The following CAVIN4 variants were observed in gnomAD, a reference collection of about 807,000 sequenced individuals.
CAVIN4 encodes caveolae associated protein 4, also known as caveolae-associated protein 4.
CAVIN4 carries 10 observed loss-of-function variants against 18.6 expected under a neutral mutation model. That is an observed-to-expected ratio of 0.54 (90% CI 0.33 to 0.91). The LOEUF (loss-of-function observed/expected upper bound fraction) is 0.91, where lower values mean the gene tolerates loss of function less well. Ranked by LOEUF, CAVIN4 falls within the 40% of genes least tolerant of loss-of-function variation. CAVIN4 has a pLI of 0.02. For synonymous variants in CAVIN4, 173 were observed against 164.8 expected, an observed-to-expected ratio of 1.05 and a Z score of -0.38; for missense variants, 459 against 440.5, an observed-to-expected ratio of 1.04 and a Z score of -0.38.
In CAVIN4 at chr9:100,578,495, G is replaced by T; in HGVS notation, c.352G>T (p.Glu118Ter). 3.7e-6 allele frequency: 6 copies of T among 1,613,868 alleles called. No homozygotes were observed. Among genetic ancestry groups the T allele is most frequent in the Non-Finnish European group, 5.1e-6 (6 of 1,179,964 alleles). ...GCAACAAATTCATGTTAAAAAAGTTGAAGTCAAGCAAGAGGAAATAATGAA... is the reference window on the plus strand; with the variant it reads ...GCAACAAATTCATGTTAAAAAAGTTTAAGTCAAGCAAGAGGAAATAATGAA... ...EKQQIHVKKV[E>*]VKQEEIMKKN... The change falls in exon 1 of 2, where the codon GAA (glutamate) becomes TAA (stop). Residue 118 changes from glutamate (E) to a stop codon, truncating the protein, a stop_gained. Coordinates refer to ENST00000307584, the MANE Select transcript of CAVIN4 (RefSeq NM_001018116.2). LOFTEE classifies it high-confidence loss of function.
rs564462018 is a variant in CAVIN4, at chr9:100,582,725, C to CT, written c.409-3032dup. 6.6e-5 allele frequency among the ~76,000 whole-genome samples: 10 copies of CT among 152,086 alleles called. No homozygotes were observed. In the East Asian group the frequency reaches 7.7e-4, roughly 12 times the overall value. ...CCTGCCTCACTGGCTGATATCTGTC[C>CT]TTTTTTTTCTTTTCTCATTTCTTCC... is the stretch of plus-strand genomic sequence containing the variant. On this transcript the variant is annotated intron_variant, in intron 1 of 1. Transcript: ENST00000307584.
At chr9:100,585,542 A>G (rs1041738035) in intron 1 of CAVIN4, among the ~76,000 whole-genome samples, 3 of 152,200 alleles carry the variant, frequency 2.0e-5, no homozygotes, top group Admixed American at 6.5e-5. Context: ...TTTACTTACA[A>G]TTGGATCTGA....
intron 1 of CAVIN4, among the ~76,000 whole-genome samples, chr9:100,583,274 T>A (rs1385042186): frequency 6.6e-6 from 1 of 152,154 alleles, no homozygotes; most frequent in African/African-American, 2.4e-5. Context: ...TCAGATCCCA[T>A]CCTTCCCCTC....
At chr9:100,581,568 A>G (rs1839427920) in intron 1 of CAVIN4, among the ~76,000 whole-genome samples, 1 of 152,202 alleles carries the variant, frequency 6.6e-6, no homozygotes, top group African/African-American at 2.4e-5. Flanking sequence ...TTAGCTCATG[A>G]TGTCGCTGTC....
At position 100,586,198 on chromosome 9, in the gene CAVIN4, C is replaced by T; in HGVS notation, c.842C>T (p.Thr281Ile). ...MRSLRKGKDR[T>I]VAEGEECARE... is the part of the protein sequence containing the mutation. ...AGCCTCAGGAAAGGTAAGGACCGAA[C>T]AGTGGCTGAAGGTGAGGAATGTGCC... is the stretch of plus-strand genomic sequence containing the variant. The change falls in exon 2 of 2, where the codon ACA becomes ATA. Residue 281 changes from threonine (T) to isoleucine (I), a missense_variant. By Grantham distance (89) the Thr-to-Ile change is moderately conservative (BLOSUM62 -1). Coordinates refer to ENST00000307584, the MANE Select transcript of CAVIN4 (RefSeq NM_001018116.2). 6.4e-7 allele frequency: 1 copy of T among 1,558,724 alleles called. No individual in the cohort carries two copies. Among genetic ancestry groups the T allele is most frequent in the Non-Finnish European group, 8.7e-7 (1 of 1,155,406 alleles).
At position 100,588,301 on chromosome 9, in the gene CAVIN4, T is replaced by C. The variant is rs73495729; in HGVS notation, c.*1850T>C. Among the ~76,000 whole-genome samples, 4,839 of 152,312 alleles carry C rather than the reference T, an allele frequency of 0.032. 253 individuals carry two copies. Among genetic ancestry groups the C allele is most frequent in the African/African-American group, 0.11 (4,598 of 41,548 alleles). On this transcript the variant is annotated 3_prime_UTR_variant, in exon 2 of 2. Transcript: ENST00000307584. ...GGATAACACTTTCAAATGAATAATT[T>C]TAAAATGTTTTTATGACATTTTGGA...
At position 100,585,947 on chromosome 9, in the gene CAVIN4, T is replaced by C. The variant is rs1386615297; in HGVS notation, c.591T>C (p.Asn197=). The part of the protein sequence containing the change: ...LRKSGKEHID[N]IKKAFSKENM... ...AGTCAGGCAAGGAGCACATTGATAA[T>C]ATCAAGAAGGCATTTTCCAAAGAAA... The change falls in exon 2 of 2, where the codon AAT becomes AAC. Residue 197 remains asparagine (N), a synonymous_variant. Coordinates refer to ENST00000307584, the MANE Select transcript of CAVIN4 (RefSeq NM_001018116.2). 1 of 1,614,074 alleles carries C rather than the reference T, an allele frequency of 6.2e-7. No individual in the cohort carries two copies. The highest frequency in any genetic ancestry group is 8.5e-7 in the Non-Finnish European group (1 of 1,180,022).
rs111418981 is a variant in CAVIN4, at chr9:100,588,110, G to A, written c.*1659G>A. ...TAATAAGTGTACACATATACACACA[G>A]GCATACATAAATCGGCTTTAAAATA... On this transcript the variant is annotated 3_prime_UTR_variant, in exon 2 of 2. Transcript: ENST00000307584. Among the ~76,000 whole-genome samples, 23 of 152,136 alleles carry A rather than the reference G, an allele frequency of 1.5e-4. No individual in the cohort carries two copies. The highest frequency in any genetic ancestry group is 5.3e-4 in the African/African-American group (22 of 41,424).
intron 1 of CAVIN4, among the ~76,000 whole-genome samples, chr9:100,582,108 G>T (rs1839436029): frequency 6.6e-6 from 1 of 152,034 alleles, no homozygotes; most frequent in African/African-American, 2.4e-5. Flanking sequence ...ATTTAATCTG[G>T]ATCTCACGTG....
intron 1 of CAVIN4, among the ~76,000 whole-genome samples, chr9:100,584,530 T>G (rs1839458340): frequency 1.3e-5 from 2 of 152,268 alleles, no homozygotes; most frequent in Non-Finnish European, 2.9e-5. Context: ...TCAAGGAATC[T>G]GGAGAAGACC....
At chr9:100,585,506 G>C (rs111937970) in intron 1 of CAVIN4, among the ~76,000 whole-genome samples, 23 of 152,218 alleles carry the variant, frequency 1.5e-4, no homozygotes, top group African/African-American at 5.3e-4. Context: ...AGGAGAGAAG[G>C]AAAGTGAAGA....
At chr9:100,580,872 T>C (rs1839419294) in intron 1 of CAVIN4, among the ~76,000 whole-genome samples, 1 of 152,228 alleles carries the variant, frequency 6.6e-6, no homozygotes, top group Non-Finnish European at 1.5e-5. Flanking sequence ...GATTCAAAGA[T>C]TCATTAGATG....
intron 1 of CAVIN4, among the ~76,000 whole-genome samples, chr9:100,579,559 A>G (rs1416012624): frequency 6.6e-6 from 1 of 152,246 alleles, no homozygotes; most frequent in Non-Finnish European, 1.5e-5. Context: ...TTTGAAAGGC[A>G]GATTTGGTAG....
rs1408784376 is a variant in CAVIN4, at chr9:100,578,683, G to A, written c.408+132G>A. Reference sequence around the variant, plus strand: ...ATTAATACAATGGAGTTCTGTATTAGCAGCAATCTCAGGATAAAACCATTT... The same window carrying A: ...ATTAATACAATGGAGTTCTGTATTAACAGCAATCTCAGGATAAAACCATTT... On this transcript the variant is annotated intron_variant, in intron 1 of 1. Transcript: ENST00000307584. 1.4e-5 allele frequency: 12 copies of A among 859,600 alleles called. No individual in the cohort carries two copies. In the African/African-American group the frequency reaches 1.9e-4, roughly 13 times the overall value. The allele number at this position is 859,600 out of a possible 1,614,324, so 53.2% of individuals were successfully genotyped here. A position where few individuals can be genotyped will look rare whatever the true frequency, so the allele number is the denominator to read the frequency against.
chr9:100,582,775 C>T (rs546460167), intron 1 of CAVIN4, among the ~76,000 whole-genome samples: 6 of 152,238 alleles, frequency 3.9e-5, no homozygotes, highest in African/African-American at 1.4e-4. Flanking sequence ...AATCCATGCT[C>T]TGTAACACCC....
At chr9:100,578,693 C>A in intron 1 of CAVIN4, 142 bp downstream of exon 1, 1 of 816,342 alleles carries the variant, frequency 1.2e-6, no homozygotes, top group Non-Finnish European at 2.0e-6. Context: ...GCAGCAATCT[C>A]AGGATAAAAC....
chr9:100,578,508 A>T lies in CAVIN4; in HGVS notation c.365A>T (p.Glu122Val). The change falls in exon 1 of 2, where the codon GAG (glutamate) becomes GTG (valine). Residue 122 changes from glutamate (E) to valine (V), a missense_variant. Transcript: ENST00000307584. ...IHVKKVEVKQ[E>V]EIMKKNKFRV... Reference sequence around the variant, plus strand: ...GTTAAAAAAGTTGAAGTCAAGCAAGAGGAAATAATGAAGAAAAACAAATTC... The same window carrying T: ...GTTAAAAAAGTTGAAGTCAAGCAAGTGGAAATAATGAAGAAAAACAAATTC... The T allele has an allele frequency of 6.2e-7, 1 of 1,613,836 alleles. No individual in the cohort carries two copies. The highest frequency in any genetic ancestry group is 8.5e-7 in the Non-Finnish European group (1 of 1,179,980).
At chr9:100,583,237 CT>C (rs1839445610) in intron 1 of CAVIN4, among the ~76,000 whole-genome samples, 1 of 152,206 alleles carries the variant, frequency 6.6e-6, no homozygotes, top group Non-Finnish European at 1.5e-5. Flanking sequence ...GCCTGCATGG[CT>C]AGTGGGTGTC....
At chr9:100,577,215 G>A (rs146592842), upstream of CAVIN4, 856 of 152,686 alleles carry the variant, frequency 5.6e-3, 6 homozygotes, top group Non-Finnish European at 7.8e-3. Flanking sequence ...TCAATGAAAA[G>A]TAGATATAGA....
Sources: allele counts gnomAD v4.1 joint callset (sites outside exome capture counted in the v4.1 genomes callset), GRCh38; gene constraint gnomAD v4.1.1; transcripts MANE v1.5; gene names NCBI Gene and HGNC (gene_info 2026-07-23, HGNC 2026-07-21).